TANK: variants seen among roughly 807,000 people sequenced by gnomAD.
The protein encoded by TANK is TRAF family member associated NFKB activator, also known as TRAF family member-associated NF-kappa-B activator.
In TANK, 15 loss-of-function variants were observed where a neutral mutation model predicts 43.6. The observed-to-expected ratio is 0.34, with a 90% CI of 0.23 to 0.53. TANK has a LOEUF of 0.53. Among genes scored for constraint, TANK ranks in the 20% least tolerant of loss-of-function variants. The pLI, the probability that TANK is intolerant of heterozygous loss-of-function variation, is 0.94. For missense variants in TANK, 417 were observed against 498.6 expected, an observed-to-expected ratio of 0.84 and a Z score of 1.56; for synonymous variants, 162 against 178.2, an observed-to-expected ratio of 0.91 and a Z score of 0.73.
At chr2:161,218,214 T>G (rs1009363151) in intron 4 of TANK, among the ~76,000 whole-genome samples, 1 of 152,164 alleles carries the variant, frequency 6.6e-6, no homozygotes, top group African/African-American at 2.4e-5. Flanking sequence ...TGGGCAATAT[T>G]TAAGCATCAA....
rs115903821 is a variant in TANK, at chr2:161,209,584, A to G, written c.327+4791A>G. On this transcript the variant is annotated intron_variant, in intron 4 of 7. Transcript: ENST00000392749. ...TAGTTTGGTTGCCAAACTAAATACT[A>G]TCTTGAGTGTCTAGGTTTTGACAGA... is the stretch of plus-strand genomic sequence containing the variant. Among the ~76,000 whole-genome samples the G allele has an allele frequency of 5.0e-3, 764 of 152,308 alleles. 2 individuals carry two copies. The highest frequency in any genetic ancestry group is 8.9e-3 in the Non-Finnish European group (608 of 68,002).
intron 2 of TANK, among the ~76,000 whole-genome samples, chr2:161,199,763 G>A (rs1266196656): frequency 1.3e-5 from 2 of 152,116 alleles, no homozygotes; most frequent in East Asian, 3.9e-4. Flanking sequence ...AACCTTATGG[G>A]CCAGGCATGG....
At chr2:161,168,705 C>A (rs1378752266) in intron 1 of TANK, among the ~76,000 whole-genome samples, 1 of 152,024 alleles carries the variant, frequency 6.6e-6, no homozygotes, top group Non-Finnish European at 1.5e-5. Flanking sequence ...TGGTGGCGTG[C>A]GCCTGTAATC....
chr2:161,216,590 CAAAA>C (rs79872049), intron 4 of TANK: 104 of 121,720 alleles, frequency 8.5e-4, no homozygotes, highest in South Asian at 5.4e-3. Flanking sequence ...CTTTCTTGGC[CAAAA>C]AAAAAAAAAA....
intron 2 of TANK, chr2:161,201,009 C>T (rs1397758797): frequency 1.4e-6 from 1 of 701,984 alleles, no homozygotes; most frequent in Non-Finnish European, 1.8e-6. Flanking sequence ...ACTCTCTACC[C>T]TTGAGGAGTT....
intron 1 of TANK, among the ~76,000 whole-genome samples, chr2:161,154,980 A>G (rs1684185467): frequency 6.6e-6 from 1 of 152,122 alleles, no homozygotes; most frequent in Non-Finnish European, 1.5e-5. Flanking sequence ...CCTGGCCTCA[A>G]GTGATCTGCC....
chr2:161,156,082 T>C, upstream of TANK: 1 of 983,738 alleles, frequency 1.0e-6, no homozygotes, highest in African/African-American at 1.7e-5. Flanking sequence ...AAAGTATTAC[T>C]TCAGATAGCT....
intron 1 of TANK, chr2:161,139,699 T>G (rs751888315): frequency 1.0e-6 from 1 of 985,438 alleles, no homozygotes; most frequent in Non-Finnish European, 1.2e-6. Context: ...ACCTCTTCTC[T>G]ATTATTTTGG....
At chr2:161,220,085 C>A (rs1037501619) in intron 4 of TANK, among the ~76,000 whole-genome samples, 2 of 152,182 alleles carry the variant, frequency 1.3e-5, no homozygotes, top group Non-Finnish European at 2.9e-5. Context: ...ATTGACTACA[C>A]TCAGTTGCCT....
chr2:161,173,803 C>T (rs556139028), intron 1 of TANK, among the ~76,000 whole-genome samples: 1 of 152,088 alleles, frequency 6.6e-6, no homozygotes, highest in Non-Finnish European at 1.5e-5. Context: ...CTGAACCAGT[C>T]TTGAACATTG....
At chr2:161,137,571 T>TGTTC (rs1558953874) in intron 1 of TANK, among the ~76,000 whole-genome samples, 1 of 152,200 alleles carries the variant, frequency 6.6e-6, no homozygotes, top group African/African-American at 2.4e-5. Context: ...TGGCTTAAGT[T>TGTTC]GTTCATAACT....
Position 161,235,537 on chromosome 2 carries a change from C to G in TANK, c.*19C>G, listed in dbSNP as rs780991170. ...GACTTAAGACACATTTGAAAACAGACATATCAAGTTCTATGTGATGATTTT... is the reference window on the plus strand; with the variant it reads ...GACTTAAGACACATTTGAAAACAGAGATATCAAGTTCTATGTGATGATTTT... On this transcript the variant is annotated 3_prime_UTR_variant, in exon 8 of 8. Transcript: ENST00000392749. The G allele has an allele frequency of 3.1e-6, 5 of 1,597,088 alleles. No individual in the cohort carries two copies. Among genetic ancestry groups the G allele is most frequent in the Non-Finnish European group, 3.4e-6 (4 of 1,171,188 alleles).
chr2:161,206,335 C>CT (rs1177373876), intron 4 of TANK, among the ~76,000 whole-genome samples: 3 of 152,004 alleles, frequency 2.0e-5, no homozygotes, highest in Non-Finnish European at 4.4e-5. Context: ...ATACGAACTC[C>CT]TAGCAAATAA....
At chr2:161,212,503 G>T (rs1180675435) in intron 4 of TANK, 1 of 985,140 alleles carries the variant, frequency 1.0e-6, no homozygotes, top group Admixed American at 6.2e-5. Context: ...TTGTGTTTTT[G>T]AATTCAGTAC....
intron 2 of TANK, among the ~76,000 whole-genome samples, chr2:161,202,005 T>G (rs1686434970): frequency 6.6e-6 from 1 of 152,198 alleles, no homozygotes; most frequent in Non-Finnish European, 1.5e-5. Context: ...ATAAGTTACT[T>G]AATCCATATG....
intron 4 of TANK, chr2:161,207,743 C>T (rs2105352140): frequency 1.0e-6 from 1 of 985,226 alleles, no homozygotes; most frequent in African/African-American, 1.7e-5. Context: ...GAAACCTTTC[C>T]TAAAGAACTC....
chr2:161,161,372 C>G (rs1055223618), intron 1 of TANK: 8 of 1,550,624 alleles, frequency 5.2e-6, no homozygotes, highest in Admixed American at 2.0e-5. Context: ...AGAAAATGAC[C>G]TGCCTTCTTA....
At chr2:161,158,647 C>T (rs910024123), upstream of TANK, among the ~76,000 whole-genome samples, 4 of 152,192 alleles carry the variant, frequency 2.6e-5, no homozygotes, top group African/African-American at 9.6e-5. Context: ...TCCACTATTT[C>T]AATCAGAAAT....
chr2:161,167,875 C>T (rs373711620), intron 1 of TANK, among the ~76,000 whole-genome samples: 3 of 152,070 alleles, frequency 2.0e-5, no homozygotes, highest in Non-Finnish European at 2.9e-5. Flanking sequence ...ACGCTCGCCT[C>T]GGCCTCCCAG....
Sources: allele counts gnomAD v4.1 joint callset (sites outside exome capture counted in the v4.1 genomes callset), GRCh38; gene constraint gnomAD v4.1.1; transcripts MANE v1.5; gene names NCBI Gene and HGNC (gene_info 2026-07-23, HGNC 2026-07-21).